The following MITF variants were observed in gnomAD, a reference collection of about 807,000 sequenced individuals.
The protein encoded by MITF is microphthalmia-associated transcription factor.
In MITF, 17 loss-of-function variants were observed where a neutral mutation model predicts 60.5. That is an observed-to-expected ratio of 0.28 (90% CI 0.19 to 0.42). The LOEUF is 0.42. MITF is among the 10% of genes least tolerant of loss of function. MITF has a pLI of 1.00. For synonymous variants in MITF, 260 were observed against 248.5 expected (o/e 1.05, Z -0.43); for missense variants, 622 against 683.5 (o/e 0.91, Z 1.00).
chr3:69,751,553 A>ATTTTTTTTTTTTTTTTTTTT (rs35447609), intron 1 of MITF, among the ~76,000 whole-genome samples: 1 of 122,838 alleles, frequency 8.1e-6, no homozygotes, highest in African/African-American at 3.0e-5. Context: ...AAGCATTTTG[A>ATTTTTTTTTTTTTTTTTTTT]TTTTTTTTTT....
At chr3:69,813,612 C>T (rs938485924) in intron 1 of MITF, among the ~76,000 whole-genome samples, 20 of 152,186 alleles carry the variant, frequency 1.3e-4, no homozygotes, top group Admixed American at 2.6e-4. Flanking sequence ...TCTGGAGTTA[C>T]GCAGCTTTTG....
intron 1 of MITF, among the ~76,000 whole-genome samples, chr3:69,754,141 C>G (rs958568662): frequency 3.3e-5 from 5 of 151,902 alleles, no homozygotes; most frequent in African/African-American, 4.8e-5. Flanking sequence ...AATGGTTTAG[C>G]AACACCCACT....
intron 3 of MITF, 37 bp from the exon 4 acceptor site, chr3:69,939,061 T>A: frequency 6.2e-7 from 1 of 1,609,678 alleles, no homozygotes; most frequent in Non-Finnish European, 8.5e-7. Flanking sequence ...CATTTGCAAA[T>A]CCAAGTTATA....
At chr3:69,840,866 G>A (rs1423356347) in intron 1 of MITF, among the ~76,000 whole-genome samples, 3 of 150,650 alleles carry the variant, frequency 2.0e-5, no homozygotes, top group Admixed American at 6.6e-5. Context: ...AGCAATTCCC[G>A]TGCCTCACCC....
intron 1 of MITF, among the ~76,000 whole-genome samples, chr3:69,800,879 T>C (rs569286699): frequency 1.2e-4 from 19 of 152,274 alleles, no homozygotes; most frequent in African/African-American, 4.1e-4. Context: ...AGAAAGTGAC[T>C]GAACCAGAAA....
At chr3:69,917,114 G>A (rs1374525469) in intron 2 of MITF, among the ~76,000 whole-genome samples, 1 of 152,150 alleles carries the variant, frequency 6.6e-6, no homozygotes, top group African/African-American at 2.4e-5. Flanking sequence ...AAGGACATCT[G>A]ACCTGACATT....
At position 69,866,144 on chromosome 3, in the gene MITF, C is replaced by G. The variant is rs2064109925; in HGVS notation, c.105-12990C>G. 3.4e-6 allele frequency: 5 copies of G among 1,455,142 alleles called. No homozygotes were observed. In the South Asian group the frequency reaches 7.5e-5, roughly 22 times the overall value. The allele number at this position is 1,455,142 out of a possible 1,614,324, so 90.1% of individuals were successfully genotyped here. A position where few individuals can be genotyped will look rare whatever the true frequency, so the allele number is the denominator to read the frequency against. On this transcript the variant is annotated intron_variant, in intron 1 of 9. Coordinates refer to ENST00000352241, the MANE Select transcript of MITF (RefSeq NM_001354604.2). ...CAGGTCTGCTGTTGCAGACAGAAAC[C>G]AGGCACCGTTCTAGCACAGAGCTGT...
intron 1 of MITF, among the ~76,000 whole-genome samples, chr3:69,760,255 A>T (rs1490516730): frequency 1.3e-5 from 2 of 152,196 alleles, no homozygotes. Context: ...CAGAGAGATT[A>T]TGGACCATTG....
intron 1 of MITF, among the ~76,000 whole-genome samples, chr3:69,841,981 C>T (rs2107142730): frequency 6.6e-6 from 1 of 152,304 alleles, no homozygotes; most frequent in Admixed American, 6.5e-5. Context: ...AGTATACTTT[C>T]ATGACATATG....
intron 1 of MITF, among the ~76,000 whole-genome samples, chr3:69,786,675 G>A (rs1039871963): frequency 1.3e-5 from 2 of 151,972 alleles, no homozygotes; most frequent in African/African-American, 2.4e-5. Flanking sequence ...AAAATGAGAC[G>A]TGTTTGCTTG....
intron 2 of MITF, among the ~76,000 whole-genome samples, chr3:69,913,274 T>G (rs2065262431): frequency 6.6e-6 from 1 of 152,018 alleles, no homozygotes; most frequent in Non-Finnish European, 1.5e-5. Flanking sequence ...TTTGTTTATA[T>G]TTGTCTTTAT....
chr3:69,933,237 C>T (rs2065761890), intron 2 of MITF, among the ~76,000 whole-genome samples: 2 of 152,008 alleles, frequency 1.3e-5, no homozygotes, highest in Non-Finnish European at 2.9e-5. Context: ...TTAAGAAAAT[C>T]TACACTCGCT....
chr3:69,771,691 GT>G (rs899306756), intron 1 of MITF, among the ~76,000 whole-genome samples: 4 of 151,780 alleles, frequency 2.6e-5, no homozygotes, highest in South Asian at 2.1e-4. Context: ...TTCCTTTTTT[GT>G]TTTTTTGAAA....
chr3:69,827,496 C>G (rs1018386210), intron 1 of MITF, among the ~76,000 whole-genome samples: 2 of 152,174 alleles, frequency 1.3e-5, no homozygotes, highest in African/African-American at 2.4e-5. Context: ...CACAGAGTGG[C>G]TCTTAGAACT....
intron 2 of MITF, among the ~76,000 whole-genome samples, chr3:69,927,265 A>G (rs1317643174): frequency 6.6e-6 from 1 of 152,218 alleles, no homozygotes; most frequent in African/African-American, 2.4e-5. Context: ...AGATTAACAC[A>G]GTAACGGAAA....
At chr3:69,868,770 G>T (rs944003337) in intron 1 of MITF, among the ~76,000 whole-genome samples, 3 of 151,690 alleles carry the variant, frequency 2.0e-5, no homozygotes, top group Admixed American at 6.6e-5. Flanking sequence ...ATGGTGTCCC[G>T]GGCCTATAAA....
At chr3:69,874,229 A>C (rs1282996606) in intron 1 of MITF, among the ~76,000 whole-genome samples, 1 of 152,206 alleles carries the variant, frequency 6.6e-6, no homozygotes, top group African/African-American at 2.4e-5. Context: ...ATAGCTCATG[A>C]GAGATTTGCA....
Position 69,959,391 on chromosome 3 carries a change from G to T in MITF, c.1150G>T (p.Ala384Ser), listed in dbSNP as rs202020443. Residue 384 changes from alanine to serine, a missense_variant, in exon 9 of 10, where the codon GCC becomes TCC. Ala to Ser is a moderately conservative substitution (Grantham distance 99). Coordinates refer to ENST00000352241, the MANE Select transcript of MITF (RefSeq NM_001354604.2). ...LENRQKKLEHANRHLLLRIQE... is the reference protein window; with the variant it reads ...LENRQKKLEHSNRHLLLRIQE... ...AAACCGACAGAAGAAACTGGAGCAC[G>T]CCAACCGGCATTTGTTGCTCAGAAT... 11 of 1,613,790 alleles carry T rather than the reference G, an allele frequency of 6.8e-6. No individual in the cohort carries two copies. The highest frequency in any genetic ancestry group is 9.3e-6 in the Non-Finnish European group (11 of 1,179,868).
chr3:69,801,991 G>C (rs1339571645), intron 1 of MITF, among the ~76,000 whole-genome samples: 1 of 152,114 alleles, frequency 6.6e-6, no homozygotes, highest in East Asian at 1.9e-4. Context: ...ATTATTGTTA[G>C]TATTGTCATT....
Sources: gnomAD v4.1 joint callset for allele counts (sites outside exome capture counted in the v4.1 genomes callset) on GRCh38, gnomAD v4.1.1 for gene constraint, MANE v1.5 for transcripts, NCBI Gene and HGNC (gene_info 2026-07-23, HGNC 2026-07-21) for gene names.